LRRC56: variants seen among roughly 807,000 people sequenced by gnomAD.
LRRC56 encodes leucine-rich repeat-containing protein 56.
A neutral mutation model predicts 47.8 loss-of-function variants in LRRC56; 41 were observed. That is an observed-to-expected ratio of 0.86 (90% confidence interval 0.67 to 1.11). The LOEUF (loss-of-function observed/expected upper bound fraction) is 1.11. Ranked by LOEUF, LRRC56 falls within the 50% of genes most tolerant of loss-of-function variation. The pLI is 0.00. For missense variants in LRRC56, 759 were observed against 704.2 expected (o/e 1.08, Z -0.88); for synonymous variants, 387 against 311.2 (o/e 1.24, Z -2.56).
At chr11:536,108 A>T (rs1215407263), upstream of LRRC56, among the ~76,000 whole-genome samples, 1 of 152,006 alleles carries the variant, frequency 6.6e-6, no homozygotes, top group African/African-American at 2.4e-5. Flanking sequence ...ACCACCACGC[A>T]CCCCAGCTCC....
At chr11:549,418 C>T (rs984983526) in intron 6 of LRRC56, among the ~76,000 whole-genome samples, 1 of 152,196 alleles carries the variant, frequency 6.6e-6, no homozygotes, top group Non-Finnish European at 1.5e-5. Context: ...TCAAGCCGCC[C>T]TGACCCACCG....
chr11:535,994 C>T (rs998282494), upstream of LRRC56, among the ~76,000 whole-genome samples: 2 of 152,158 alleles, frequency 1.3e-5, no homozygotes, highest in Admixed American at 6.5e-5. Context: ...TGGGATCCGC[C>T]GGGACCAAGG....
At chr11:525,310 C>G in the LRRC56 span, among the ~76,000 whole-genome samples, 41 of 151,824 alleles carry the variant, frequency 2.7e-4, no homozygotes, top group Middle Eastern at 3.4e-3. Flanking sequence ...GAGGCCAAGG[C>G]GGGCGGATCA....
chr11:540,532 T>A (rs1564797138), intron 3 of LRRC56, 142 bp from the exon 4 acceptor site: 2 of 662,284 alleles, frequency 3.0e-6, no homozygotes, highest in African/African-American at 3.7e-5. Context: ...GCTAGGAGCC[T>A]TCTCTAGGCT....
At chr11:532,409 G>C in the LRRC56 span, 1 of 642,304 alleles carries the variant, frequency 1.6e-6, no homozygotes. Context: ...CCACGGTCCC[G>C]GGGTGACTGG....
upstream of LRRC56, chr11:533,301 T>C: frequency 3.1e-6 from 5 of 1,600,458 alleles, no homozygotes; most frequent in Non-Finnish European, 2.5e-6. Flanking sequence ...CTGGGTCACA[T>C]GGGTCCCGGG....
the LRRC56 span, among the ~76,000 whole-genome samples, chr11:517,581 G>A: frequency 1.3e-5 from 2 of 149,818 alleles, no homozygotes; most frequent in Non-Finnish European, 3.0e-5. Context: ...TGGGGGGTGA[G>A]GAGCACCTCT....
chr11:532,672 G>A (rs770431635), upstream of LRRC56: 3 of 1,612,992 alleles, frequency 1.9e-6, no homozygotes, highest in Non-Finnish European at 2.5e-6. Flanking sequence ...TGCAGCCGGG[G>A]CCACTCTCAT....
At chr11:518,066 G>T in the LRRC56 span, among the ~76,000 whole-genome samples, 1 of 152,070 alleles carries the variant, frequency 6.6e-6, no homozygotes, top group South Asian at 2.1e-4. Flanking sequence ...GAAAACCAGA[G>T]ACCTTTGTTC....
the LRRC56 span, among the ~76,000 whole-genome samples, chr11:517,334 C>T: frequency 2.0e-5 from 3 of 151,876 alleles, no homozygotes; most frequent in Non-Finnish European, 2.9e-5. Flanking sequence ...AGGAGCGCCT[C>T]TGCCCGGCCG....
At chr11:552,799 G>C in intron 13 of LRRC56, 97 bp downstream of exon 13, 2 of 1,052,096 alleles carry the variant, frequency 1.9e-6, no homozygotes, top group Non-Finnish European at 2.7e-6. Flanking sequence ...TGTCAACCTG[G>C]CCCTGCTTCC....
upstream of LRRC56, among the ~76,000 whole-genome samples, chr11:535,886 C>T (rs1278312168): frequency 1.3e-5 from 2 of 152,128 alleles, no homozygotes; most frequent in Non-Finnish European, 1.5e-5. Context: ...GGCGAGAGAA[C>T]CCGACTCAGC....
the LRRC56 span, chr11:529,491 T>A: frequency 1.3e-5 from 2 of 152,230 alleles, no homozygotes; most frequent in Admixed American, 1.3e-4. Flanking sequence ...CTCCAGCAGT[T>A]GTGGACAATG....
chr11:513,802 A>G, the LRRC56 span, among the ~76,000 whole-genome samples: 1 of 150,732 alleles, frequency 6.6e-6, no homozygotes, highest in Non-Finnish European at 1.5e-5. Context: ...AGCTGGGCAT[A>G]AGAGCAAAAC....
At chr11:532,611 G>T (rs756277885), upstream of LRRC56, 1 of 1,604,090 alleles carries the variant, frequency 6.2e-7, no homozygotes. Flanking sequence ...CGTGGCGGCC[G>T]CCCTGGGAGT....
At chr11:514,652 G>A in the LRRC56 span, among the ~76,000 whole-genome samples, 1 of 152,204 alleles carries the variant, frequency 6.6e-6, no homozygotes, top group East Asian at 1.9e-4. Flanking sequence ...GTTGGGGAGG[G>A]AGTGAGGAGT....
At chr11:537,968 G>C (rs1409562920) in intron 1 of LRRC56, among the ~76,000 whole-genome samples, 1 of 152,186 alleles carries the variant, frequency 6.6e-6, no homozygotes, top group Non-Finnish European at 1.5e-5. Flanking sequence ...ACCCAGAGGT[G>C]ATGGCTACCC....
intron 5 of LRRC56, 73 bp from the exon 6 acceptor site, chr11:544,647 T>G: frequency 6.7e-7 from 1 of 1,499,876 alleles, no homozygotes; most frequent in Non-Finnish European, 9.3e-7. Context: ...TGCTGATGCC[T>G]AGGGGTGAAG....
At chr11:522,909 C>A in the LRRC56 span, among the ~76,000 whole-genome samples, 3 of 151,958 alleles carry the variant, frequency 2.0e-5, no homozygotes, top group Non-Finnish European at 4.4e-5. Context: ...CTTCCACGCC[C>A]GGCTAATTTT....
Sources: allele counts gnomAD v4.1 joint callset (sites outside exome capture counted in the v4.1 genomes callset), GRCh38; gene constraint gnomAD v4.1.1; transcripts MANE v1.5; gene names NCBI Gene and HGNC (gene_info 2026-07-23, HGNC 2026-07-21).